RAPH1: variants seen among roughly 807,000 people sequenced by gnomAD.
RAPH1 encodes ras-associated and pleckstrin homology domains-containing protein 1.
Under a neutral mutation model 88.1 loss-of-function variants are expected in RAPH1, and 18 were observed. That is an observed-to-expected ratio of 0.20 (90% CI 0.14 to 0.30). RAPH1 has a LOEUF of 0.30. RAPH1 is among the 10% of genes least tolerant of loss of function. The pLI, the probability that RAPH1 is intolerant of heterozygous loss-of-function variation, is 1.00. For missense variants in RAPH1, 1,448 were observed against 1,543.2 expected (o/e 0.94, Z 1.03); for synonymous variants, 587 against 559.0 (o/e 1.05, Z -0.71).
chr2:203,441,965 C>T, intron 13 of RAPH1: 1 of 1,481,606 alleles, frequency 6.7e-7, no homozygotes, highest in Admixed American at 2.6e-5. Context: ...TGCACAGTCA[C>T]ACAGGAATGA....
At chr2:203,488,605 A>C (rs1688095251) in intron 4 of RAPH1, among the ~76,000 whole-genome samples, 2 of 147,494 alleles carry the variant, frequency 1.4e-5, no homozygotes, top group South Asian at 4.3e-4. Context: ...AAAAAAAAAA[A>C]AAAAAAAAAA....
chr2:203,525,258 T>C (rs767994060), intron 1 of RAPH1, among the ~76,000 whole-genome samples: 2 of 152,188 alleles, frequency 1.3e-5, no homozygotes, highest in Non-Finnish European at 2.9e-5. Context: ...CAATCTTGGC[T>C]CACTGCAGCC....
intron 1 of RAPH1, among the ~76,000 whole-genome samples, chr2:203,510,618 G>A (rs1689292517): frequency 1.1e-4 from 16 of 151,940 alleles, no homozygotes; most frequent in Admixed American, 1.0e-3. Context: ...GGGTCAGGCA[G>A]CCAATATACA....
At chr2:203,456,982 A>T (rs560913784) in intron 8 of RAPH1, among the ~76,000 whole-genome samples, 2 of 152,012 alleles carry the variant, frequency 1.3e-5, no homozygotes, top group African/African-American at 2.4e-5. Flanking sequence ...CAGCCCCTAA[A>T]AGCTCATTAT....
chr2:203,473,442 G>A (rs548705865), intron 4 of RAPH1, among the ~76,000 whole-genome samples: 84 of 152,238 alleles, frequency 5.5e-4, no homozygotes, highest in Middle Eastern at 3.4e-3. Context: ...GGACTAAGGA[G>A]AGTAAATTAT....
At chr2:203,471,913 A>G (rs1194353597) in intron 4 of RAPH1, among the ~76,000 whole-genome samples, 1 of 152,062 alleles carries the variant, frequency 6.6e-6, no homozygotes, top group African/African-American at 2.4e-5. Flanking sequence ...GAACATAGAG[A>G]ACTATCCCTA....
chr2:203,521,742 A>G (rs1304718787), intron 1 of RAPH1, among the ~76,000 whole-genome samples: 1 of 152,158 alleles, frequency 6.6e-6, no homozygotes, highest in East Asian at 1.9e-4. Context: ...CCCCCCACAC[A>G]TTATATTATT....
intron 1 of RAPH1, among the ~76,000 whole-genome samples, chr2:203,521,794 C>T (rs1164611761): frequency 6.6e-6 from 1 of 152,024 alleles, no homozygotes; most frequent in Non-Finnish European, 1.5e-5. Context: ...ATTTAAATAA[C>T]TAAATTGTGC....
chr2:203,526,094 C>A (rs979643077), intron 1 of RAPH1, among the ~76,000 whole-genome samples: 2 of 152,024 alleles, frequency 1.3e-5, no homozygotes, highest in Admixed American at 6.6e-5. Flanking sequence ...ATTAAGGGTA[C>A]TTTTAAATTC....
At chr2:203,499,080 G>A (rs942902077) in intron 1 of RAPH1, among the ~76,000 whole-genome samples, 1 of 152,098 alleles carries the variant, frequency 6.6e-6, no homozygotes, top group African/African-American at 2.4e-5. Context: ...CCCAACAAGT[G>A]CTTAATGAAG....
intron 9 of RAPH1, 69 bp from the exon 10 acceptor site, chr2:203,454,609 A>G: frequency 1.8e-6 from 2 of 1,137,370 alleles, no homozygotes; most frequent in Admixed American, 2.1e-5. Flanking sequence ...CCTGGTTAAC[A>G]TTTTCTAGGT....
At position 203,439,707 on chromosome 2, in the gene RAPH1, G is replaced by T. The variant is rs1476587517; in HGVS notation, c.3483C>A (p.Val1161=). 1 of 1,614,144 alleles carries T rather than the reference G, an allele frequency of 6.2e-7. No homozygotes were observed. Among genetic ancestry groups the T allele is most frequent in the South Asian group, 1.1e-5 (1 of 91,086 alleles). The change falls in exon 14 of 14, where the codon GTC becomes GTA. Residue 1161 remains valine (V), a synonymous_variant. Transcript: ENST00000319170. ...TGAGGTCAGCCAGGAATCCAGGCTGGACACTAAGGCTGGATTTGGGAGAGG... is the reference window on the plus strand; with the variant it reads ...TGAGGTCAGCCAGGAATCCAGGCTGTACACTAAGGCTGGATTTGGGAGAGG... ...VPTSPKSSLS[V]QPGFLADLNR... is the part of the protein sequence containing the mutation.
chr2:203,449,049 C>T (rs2098512481), intron 10 of RAPH1, among the ~76,000 whole-genome samples: 1 of 152,144 alleles, frequency 6.6e-6, no homozygotes, highest in South Asian at 2.1e-4. Context: ...AATTTTAGAT[C>T]AAGATATCCA....
intron 4 of RAPH1, chr2:203,470,223 G>T (rs373186456): frequency 3.5e-5 from 55 of 1,575,560 alleles, no homozygotes; most frequent in Non-Finnish European, 4.7e-5. Flanking sequence ...TTACATGCAT[G>T]TGGAAGAAGT....
intron 1 of RAPH1, among the ~76,000 whole-genome samples, chr2:203,506,832 C>CTA (rs1553630461): frequency 8.6e-5 from 1 of 11,688 alleles, no homozygotes; most frequent in Non-Finnish European, 1.8e-4. Context: ...ATATATATAT[C>CTA]TATATCTATA....
intron 1 of RAPH1, among the ~76,000 whole-genome samples, chr2:203,530,612 C>A (rs1332050285): frequency 1.3e-5 from 2 of 152,192 alleles, no homozygotes; most frequent in African/African-American, 4.8e-5. Flanking sequence ...AAAATTTAGG[C>A]CAAGCGTGAT....
chr2:203,459,107 G>C (rs191034104), intron 7 of RAPH1, among the ~76,000 whole-genome samples: 26 of 152,186 alleles, frequency 1.7e-4, no homozygotes, highest in African/African-American at 6.0e-4. Context: ...CTGACCTTGT[G>C]ATCAGTCCAC....
At chr2:203,453,664 CAAACT>C (rs2098516725) in intron 10 of RAPH1, among the ~76,000 whole-genome samples, 1 of 150,882 alleles carries the variant, frequency 6.6e-6, no homozygotes, top group Non-Finnish European at 1.5e-5. Flanking sequence ...TGGCAGTCCC[CAAACT>C]AAAGTGACAA....
rs762065036 is a variant in RAPH1, at chr2:203,495,321, A to G, written c.33T>C (p.His11=). 23 of 1,613,908 alleles carry G rather than the reference A, an allele frequency of 1.4e-5. No individual in the cohort carries two copies. The African/African-American group carries it at 3.1e-4, about 22-fold the overall frequency. MEQLSDEEID[H]GAEEDSDKED... ...CCTTGTCACTGTCTTCTTCAGCACC[A>G]TGATCAATTTCTTCATCTGATAGCT... Residue 11 remains histidine, a synonymous_variant, in exon 2 of 14, where the codon CAT becomes CAC. Transcript: ENST00000319170.
Sources: gnomAD v4.1 joint callset for allele counts (sites outside exome capture counted in the v4.1 genomes callset) on GRCh38, gnomAD v4.1.1 for gene constraint, MANE v1.5 for transcripts, NCBI Gene and HGNC (gene_info 2026-07-23, HGNC 2026-07-21) for gene names.